The following IFT74 variants were observed in gnomAD, a reference collection of about 807,000 sequenced individuals.
IFT74 encodes the protein intraflagellar transport protein 74 homolog.
Under a neutral mutation model 96.7 loss-of-function variants are expected in IFT74, and 92 were observed. The ratio of observed to expected loss-of-function variants is 0.95; its 90% confidence interval spans 0.80 to 1.13. The LOEUF is 1.13. Ranked by LOEUF, IFT74 falls within the 50% of genes most tolerant of loss-of-function variation. The probability of loss-of-function intolerance (pLI) is 0.00; values close to 1 mark genes in which losing one functional copy is unlikely to be tolerated. For missense variants in IFT74, 811 were observed against 698.2 expected (o/e 1.16, Z -1.82); for synonymous variants, 223 against 213.2 (o/e 1.05, Z -0.40).
Position 27,062,952 on chromosome 9 carries a change from A to G in IFT74, c.*216A>G. 1 of 459,404 alleles carries G rather than the reference A, an allele frequency of 2.2e-6. No homozygotes were observed. The highest frequency in any genetic ancestry group is 3.8e-6 in the Non-Finnish European group (1 of 262,612). 28.5% of individuals were successfully genotyped at this position (459,404 alleles called of 1,614,324 possible). On this transcript the variant is annotated 3_prime_UTR_variant, in exon 20 of 20. Coordinates refer to ENST00000380062, the MANE Select transcript of IFT74 (RefSeq NM_025103.4). ...AAAAGTACCATCTTCTTTTCTTTTT[A>G]TGCTACTTGTATTTGAACCAAGAGA... is the stretch of plus-strand genomic sequence containing the variant.
intron 15 of IFT74, among the ~76,000 whole-genome samples, chr9:27,047,681 T>C (rs949608496): frequency 6.6e-6 from 1 of 152,234 alleles, no homozygotes; most frequent in African/African-American, 2.4e-5. Context: ...CTTTTGAAAG[T>C]AACATTTGCA....
chr9:27,042,863 A>G lies in IFT74; in HGVS notation c.1055-1879A>G, dbSNP rs191731982. 6.5e-4 allele frequency among the ~76,000 whole-genome samples: 99 copies of G among 152,290 alleles called. 2 individuals carry two copies. In the East Asian group the frequency reaches 0.018, roughly 28 times the overall value. On this transcript the variant is annotated intron_variant, in intron 13 of 19. Transcript: ENST00000380062. Reference sequence around the variant, plus strand: ...ATATTTATATGCACATCTTCCTCCTATAAGGGTATCCCAGATCATGTGTGC... The same window carrying G: ...ATATTTATATGCACATCTTCCTCCTGTAAGGGTATCCCAGATCATGTGTGC...
intron 2 of IFT74, among the ~76,000 whole-genome samples, chr9:26,970,285 T>A (rs1165233821): frequency 6.6e-6 from 1 of 152,176 alleles, no homozygotes; most frequent in Admixed American, 6.5e-5. Flanking sequence ...GTATCAGAGT[T>A]CCTTCCTATT....
intron 13 of IFT74, among the ~76,000 whole-genome samples, chr9:27,033,613 A>T (rs2131657283): frequency 6.6e-6 from 1 of 151,308 alleles, no homozygotes; most frequent in East Asian, 1.9e-4. Context: ...GGTGCACATT[A>T]AGCGCTTCTG....
chr9:27,033,404 C>T (rs1830214633), intron 13 of IFT74, among the ~76,000 whole-genome samples: 1 of 148,902 alleles, frequency 6.7e-6, no homozygotes, highest in Non-Finnish European at 1.5e-5. Context: ...CAAAAAAATA[C>T]AAAAATTAGC....
intron 7 of IFT74, among the ~76,000 whole-genome samples, chr9:26,989,000 C>A (rs1178796897): frequency 6.6e-6 from 1 of 152,060 alleles, no homozygotes; most frequent in Non-Finnish European, 1.5e-5. Flanking sequence ...AGTGCCATCT[C>A]CATTTCCTTA....
intron 2 of IFT74, among the ~76,000 whole-genome samples, chr9:26,962,682 A>G (rs930971553): frequency 1.3e-5 from 2 of 152,218 alleles, no homozygotes; most frequent in Non-Finnish European, 2.9e-5. Context: ...TATTTCAAAA[A>G]TGAAACCATA....
chr9:26,971,424 A>G (rs1826871366), intron 2 of IFT74, among the ~76,000 whole-genome samples: 1 of 152,140 alleles, frequency 6.6e-6, no homozygotes, highest in Non-Finnish European at 1.5e-5. Flanking sequence ...TCCTTGATGT[A>G]CTTGAGACAA....
intron 8 of IFT74, among the ~76,000 whole-genome samples, chr9:27,005,221 A>G (rs561692162): frequency 9.2e-5 from 14 of 152,120 alleles, no homozygotes; most frequent in Admixed American, 3.9e-4. Context: ...TTCAATAATC[A>G]TCAACTCATG....
At chr9:26,971,620 C>T (rs190895765) in intron 2 of IFT74, among the ~76,000 whole-genome samples, 21 of 152,156 alleles carry the variant, frequency 1.4e-4, no homozygotes, top group Non-Finnish European at 2.6e-4. Context: ...GAAGAAATGG[C>T]GGCTTGTTTG....
rs1043233780 is a variant in IFT74 at position 27,062,886 on chromosome 9, T to C, written c.*150T>C. On this transcript the variant is annotated 3_prime_UTR_variant, in exon 20 of 20. Transcript: ENST00000380062. ...TTTGTGGCCTCTTTTAAGAATGATATTTTAAAATAGTAAATAGTTCAATAA... is the reference window on the plus strand; with the variant it reads ...TTTGTGGCCTCTTTTAAGAATGATACTTTAAAATAGTAAATAGTTCAATAA... 12 of 569,350 alleles carry C rather than the reference T, an allele frequency of 2.1e-5. No individual in the cohort carries two copies. In the African/African-American group the frequency reaches 2.4e-4, roughly 11 times the overall value. 35.3% of individuals were successfully genotyped at this position (569,350 alleles called of 1,614,324 possible).
At chr9:27,037,194 T>C (rs1819244180) in intron 13 of IFT74, among the ~76,000 whole-genome samples, 1 of 125,424 alleles carries the variant, frequency 8.0e-6, no homozygotes, top group African/African-American at 3.1e-5. Context: ...CACTCCAGCC[T>C]GGGCAGCAAG....
chr9:27,024,621 C>T (rs1027528787), intron 12 of IFT74, among the ~76,000 whole-genome samples: 1 of 152,044 alleles, frequency 6.6e-6, no homozygotes, highest in African/African-American at 2.4e-5. Flanking sequence ...GTAACATCCC[C>T]AGAAGATCAC....
intron 2 of IFT74, among the ~76,000 whole-genome samples, chr9:26,974,183 T>C (rs1826996915): frequency 1.3e-5 from 2 of 152,258 alleles, no homozygotes; most frequent in African/African-American, 2.4e-5. Context: ...GAGAAGCATA[T>C]GGGTTTGGAG....
chr9:27,049,548 G>A (rs1251312441), intron 16 of IFT74, among the ~76,000 whole-genome samples: 3 of 152,174 alleles, frequency 2.0e-5, no homozygotes, highest in African/African-American at 2.4e-5. Flanking sequence ...ATAGGCAGAG[G>A]TTGAGGCCTA....
chr9:26,948,243 T>C (rs188287725), intron 1 of IFT74, among the ~76,000 whole-genome samples: 2 of 152,250 alleles, frequency 1.3e-5, no homozygotes, highest in East Asian at 3.9e-4. Context: ...TATTCCCATA[T>C]TGTCTTCTCC....
chr9:27,059,646 A>G (rs1332014900), intron 18 of IFT74, among the ~76,000 whole-genome samples: 1 of 152,212 alleles, frequency 6.6e-6, no homozygotes, highest in Non-Finnish European at 1.5e-5. Flanking sequence ...GTGATTAGTA[A>G]TACCAGCTCA....
chr9:27,039,443 T>C (rs1412532910), intron 13 of IFT74, among the ~76,000 whole-genome samples: 1 of 152,146 alleles, frequency 6.6e-6, no homozygotes, highest in African/African-American at 2.4e-5. Context: ...ATGCCTGTAA[T>C]TCCAACACTG....
chr9:27,045,715 G>A (rs893672399), intron 14 of IFT74, among the ~76,000 whole-genome samples: 59 of 152,116 alleles, frequency 3.9e-4, no homozygotes, highest in Non-Finnish European at 2.2e-4. Context: ...TTCTAGCGAA[G>A]TGCTAGAATT....
Sources: allele counts gnomAD v4.1 joint callset (sites outside exome capture counted in the v4.1 genomes callset), GRCh38; gene constraint gnomAD v4.1.1; transcripts MANE v1.5; gene names NCBI Gene and HGNC (gene_info 2026-07-23, HGNC 2026-07-21).